The following WWC2 variants were observed in gnomAD, a reference collection of about 807,000 sequenced individuals.
WWC2 encodes WW and C2 domain containing 2, also known as protein WWC2.
WWC2 carries 101 observed loss-of-function variants against 138.5 expected under a neutral mutation model. The ratio of observed to expected loss-of-function variants is 0.73; its 90% CI spans 0.62 to 0.86. The LOEUF is 0.86. WWC2 is among the 40% of genes least tolerant of loss of function. WWC2 has a pLI of 0.00. For missense variants in WWC2, 1,420 were observed against 1,419.4 expected (o/e 1.00, Z -0.01); for synonymous variants, 558 against 538.4 (o/e 1.04, Z -0.50).
intron 4 of WWC2, among the ~76,000 whole-genome samples, chr4:183,227,607 G>A (rs1302520095): frequency 2.0e-5 from 3 of 151,928 alleles, no homozygotes; most frequent in Admixed American, 1.3e-4. Context: ...AAGAAAATAC[G>A]GAAACAAACT....
chr4:183,190,081 G>A (rs968460091), intron 1 of WWC2, among the ~76,000 whole-genome samples: 7 of 152,096 alleles, frequency 4.6e-5, no homozygotes, highest in African/African-American at 1.4e-4. Flanking sequence ...TCCTTTGCAT[G>A]GTGCAAAGGA....
At position 183,320,141 on chromosome 4, in the gene WWC2, AAGAC is replaced by A. The variant is rs1301606793; in HGVS notation, c.*4415_*4418del. ...TCTTCCAGTGTGGCAGGTAGTTTGT[AAGAC>A]AGGATAAAACCCATCCCAGCAAAGA... On this transcript the variant is annotated 3_prime_UTR_variant, in exon 23 of 23. Transcript: ENST00000403733. 5.0e-6 allele frequency: 8 copies of A among 1,614,160 alleles called. No homozygotes were observed. Among genetic ancestry groups the A allele is most frequent in the Non-Finnish European group, 6.8e-6 (8 of 1,180,030 alleles).
At chr4:183,151,490 G>A (rs1370456352) in intron 1 of WWC2, among the ~76,000 whole-genome samples, 1 of 152,204 alleles carries the variant, frequency 6.6e-6, no homozygotes, top group Non-Finnish European at 1.5e-5. Context: ...TCTGTAGGTT[G>A]CCTGTTCACT....
intron 19 of WWC2, 27 bp from the exon 20 acceptor site, chr4:183,285,940 T>C (rs1489731832): frequency 8.9e-6 from 12 of 1,343,454 alleles, no homozygotes; most frequent in South Asian, 2.7e-5. Context: ...TATGCAGTGA[T>C]TTTTTTTTTA....
intron 4 of WWC2, among the ~76,000 whole-genome samples, chr4:183,210,405 T>A (rs1301044264): frequency 6.6e-6 from 1 of 152,164 alleles, no homozygotes; most frequent in Admixed American, 6.5e-5. Context: ...AACATTGTAT[T>A]GTATTAGGAT....
chr4:183,187,903 A>G (rs1050308111), intron 1 of WWC2, among the ~76,000 whole-genome samples: 1 of 152,070 alleles, frequency 6.6e-6, no homozygotes, highest in African/African-American at 2.4e-5. Flanking sequence ...ATAAAAAAAA[A>G]AGAGACCAGA....
chr4:183,207,089 C>G (rs575783583), intron 2 of WWC2, among the ~76,000 whole-genome samples: 3 of 152,242 alleles, frequency 2.0e-5, no homozygotes, highest in African/African-American at 4.8e-5. Context: ...AATGCTGTTG[C>G]AGAACACTGG....
At chr4:183,282,398 T>A (rs1738104202) in intron 17 of WWC2, among the ~76,000 whole-genome samples, 1 of 152,238 alleles carries the variant, frequency 6.6e-6, no homozygotes, top group Admixed American at 6.5e-5. Flanking sequence ...GTGTCAATAT[T>A]TTTAAATGCT....
intron 1 of WWC2, among the ~76,000 whole-genome samples, chr4:183,108,375 A>T (rs1441149418): frequency 6.6e-6 from 1 of 152,052 alleles, no homozygotes; most frequent in Non-Finnish European, 1.5e-5. Flanking sequence ...TAATCTTGAG[A>T]AAAACACCTA....
intron 2 of WWC2, among the ~76,000 whole-genome samples, chr4:183,204,046 G>C (rs1203911745): frequency 2.0e-5 from 3 of 152,106 alleles, no homozygotes; most frequent in Non-Finnish European, 4.4e-5. Flanking sequence ...GGAAATCCCA[G>C]GATAAACCAG....
chr4:183,148,123 G>A, intron 1 of WWC2, among the ~76,000 whole-genome samples: 1 of 152,136 alleles, frequency 6.6e-6, no homozygotes, highest in East Asian at 1.9e-4. Flanking sequence ...GTGAGGTTGT[G>A]GCCTCTCACA....
intron 1 of WWC2, among the ~76,000 whole-genome samples, chr4:183,177,876 CT>C (rs1468337488): frequency 6.6e-6 from 1 of 152,070 alleles, no homozygotes; most frequent in Non-Finnish European, 1.5e-5. Flanking sequence ...GGCCAGCTGC[CT>C]CCATGATCTT....
intron 1 of WWC2, among the ~76,000 whole-genome samples, chr4:183,173,491 C>CT (rs1207756748): frequency 6.6e-6 from 1 of 152,022 alleles, no homozygotes; most frequent in Non-Finnish European, 1.5e-5. Flanking sequence ...TTTTAGGGGA[C>CT]TAGTATTCTT....
chr4:183,155,189 G>GGAGAGA (rs770609371), intron 1 of WWC2, among the ~76,000 whole-genome samples: 215 of 103,554 alleles, frequency 2.1e-3, no homozygotes, highest in African/African-American at 5.3e-3. Context: ...CATCTTCTGA[G>GGAGAGA]GAGAGAGAGA....
intron 4 of WWC2, among the ~76,000 whole-genome samples, chr4:183,210,967 C>T (rs1230688712): frequency 1.3e-5 from 2 of 152,206 alleles, no homozygotes. Context: ...TTCTTACTTG[C>T]TTATGTCTGC....
At chr4:183,205,109 A>T (rs551998872) in intron 2 of WWC2, among the ~76,000 whole-genome samples, 3 of 152,220 alleles carry the variant, frequency 2.0e-5, no homozygotes, top group Non-Finnish European at 4.4e-5. Context: ...AACAAGTTGT[A>T]GGATTGCTAG....
intron 16 of WWC2, among the ~76,000 whole-genome samples, chr4:183,277,522 T>A (rs1448880895): frequency 6.7e-6 from 1 of 149,888 alleles, no homozygotes; most frequent in Non-Finnish European, 1.5e-5. Flanking sequence ...GGTCAAATGG[T>A]ATTTCCAGTT....
rs1378516061 is a variant in WWC2 at position 183,216,606 on chromosome 4, CTG to C, written c.522+7583_522+7584del. Among the ~76,000 whole-genome samples the C allele has an allele frequency of 2.6e-5, 4 of 152,268 alleles. No individual in the cohort carries two copies. In the East Asian group the frequency reaches 7.7e-4, roughly 29 times the overall value. On this transcript the variant is annotated intron_variant, in intron 4 of 22. Coordinates refer to ENST00000403733, the MANE Select transcript of WWC2 (RefSeq NM_024949.6). The stretch of plus-strand genomic sequence containing the variant: ...TCAGACTTCAGGTAACAGTAGAAGA[CTG>C]TAATTCTTAACTGAAAGGAAACAGA...
intron 17 of WWC2, chr4:183,281,215 A>T (rs115463436): frequency 3.1e-5 from 12 of 386,710 alleles, no homozygotes; most frequent in African/African-American, 2.3e-4. Context: ...AGAGTTATAG[A>T]TAATTTTAAA....
Sources: allele counts gnomAD v4.1 joint callset (sites outside exome capture counted in the v4.1 genomes callset), GRCh38; gene constraint gnomAD v4.1.1; transcripts MANE v1.5; gene names NCBI Gene and HGNC (gene_info 2026-07-23, HGNC 2026-07-21).